Variants in HYDIN observed in about 807,000 individuals in gnomAD.
HYDIN encodes HYDIN axonemal central pair apparatus protein.
In HYDIN, 132 loss-of-function variants were observed where a neutral mutation model predicts 403.9. The observed-to-expected ratio is 0.33, with a 90% CI of 0.28 to 0.38. The LOEUF (loss-of-function observed/expected upper bound fraction) is 0.38. Among genes scored for constraint, HYDIN ranks in the 10% least tolerant of loss-of-function variants. HYDIN has a pLI of 1.00. For missense variants in HYDIN, 2,827 were observed against 5,009.5 expected (o/e 0.56, Z 13.15); for synonymous variants, 1,202 against 1,891.7 (o/e 0.64, Z 9.46).
At chr16:71,186,359 TATAA>T (rs763310770) in intron 2 of HYDIN, among the ~76,000 whole-genome samples, 3 of 152,170 alleles carry the variant, frequency 2.0e-5, no homozygotes, top group East Asian at 1.9e-4. Context: ...CTCTGTGTTC[TATAA>T]ATATACAAAC....
At chr16:71,085,726 C>T (rs2082912865) in intron 12 of HYDIN, among the ~76,000 whole-genome samples, 2 of 152,102 alleles carry the variant, frequency 1.3e-5, no homozygotes, top group Non-Finnish European at 2.9e-5. Context: ...TCTTGAATAA[C>T]AATTTTTATT....
chr16:71,032,576 C>T (rs1457498104), intron 18 of HYDIN, among the ~76,000 whole-genome samples: 1 of 133,214 alleles, frequency 7.5e-6, no homozygotes, highest in Non-Finnish European at 1.6e-5. Flanking sequence ...GCTGTGCAAA[C>T]ATTGTAGAGC....
chr16:70,936,893 G>A (rs185884269), intron 44 of HYDIN, among the ~76,000 whole-genome samples: 10 of 151,660 alleles, frequency 6.6e-5, no homozygotes, highest in Non-Finnish European at 1.2e-4. Context: ...TGCTCAGTCC[G>A]AAAGCCGTGT....
chr16:71,063,917 C>G (rs1399787152), intron 16 of HYDIN, among the ~76,000 whole-genome samples: 1 of 148,950 alleles, frequency 6.7e-6, no homozygotes, highest in African/African-American at 2.5e-5. Flanking sequence ...CAGCAGCTAT[C>G]ACCTTCCTTT....
intron 10 of HYDIN, among the ~76,000 whole-genome samples, chr16:71,102,387 T>G (rs1380377055): frequency 6.6e-6 from 1 of 152,118 alleles, no homozygotes; most frequent in Non-Finnish European, 1.5e-5. Flanking sequence ...AAATGTTAAC[T>G]AATACATTTT....
At chr16:70,862,824 A>T (rs1476445247) in intron 68 of HYDIN, among the ~76,000 whole-genome samples, 8 of 151,608 alleles carry the variant, frequency 5.3e-5, no homozygotes. Context: ...CACAAGGTTA[A>T]GACCTAAGAG....
intron 6 of HYDIN, among the ~76,000 whole-genome samples, chr16:71,159,444 G>A (rs1028370208): frequency 1.7e-4 from 2 of 11,796 alleles, no homozygotes; most frequent in East Asian, 3.0e-3. Flanking sequence ...AAAAGTGAAA[G>A]AGGATAGAAC....
chr16:70,858,686 G>A (rs1162819252), intron 71 of HYDIN, among the ~76,000 whole-genome samples: 2 of 151,868 alleles, frequency 1.3e-5, no homozygotes, highest in Non-Finnish European at 2.9e-5. Context: ...CTCTGGAGGT[G>A]TGTCACCTCA....
rs149262406 is a variant in HYDIN, at chr16:71,037,152, G to T, written c.2530-5235C>A. 6.9e-3 allele frequency among the ~76,000 whole-genome samples: 1,035 copies of T among 150,990 alleles called. 7 individuals are homozygous for T. Among genetic ancestry groups the T allele is most frequent in the African/African-American group, 0.024 (990 of 41,086 alleles). ...CTCAGGTTTCTCATCCGTAGCTCAG[G>T]ATATTGACTGTACCTTCCATATAGA... is the stretch of plus-strand genomic sequence containing the variant. On this transcript the variant is annotated intron_variant, in intron 18 of 85. Transcript: ENST00000393567.
chr16:71,040,477 C>A (rs1279053341), intron 18 of HYDIN, among the ~76,000 whole-genome samples: 5 of 147,204 alleles, frequency 3.4e-5, no homozygotes, highest in Non-Finnish European at 6.0e-5. Flanking sequence ...CACATACCCC[C>A]CCTCCCCGCA....
intron 2 of HYDIN, among the ~76,000 whole-genome samples, chr16:71,185,471 AT>A (rs1234741585): frequency 1.3e-5 from 2 of 152,188 alleles, no homozygotes; most frequent in Non-Finnish European, 2.9e-5. Flanking sequence ...GAGAAATCTT[AT>A]AAAATTGCAA....
At chr16:70,961,496 G>C (rs1380554476) in intron 38 of HYDIN, among the ~76,000 whole-genome samples, 1 of 152,154 alleles carries the variant, frequency 6.6e-6, no homozygotes, top group Non-Finnish European at 1.5e-5. Flanking sequence ...CAGTTTCACT[G>C]AATCTAATTT....
rs1446088709 is a variant in HYDIN at position 71,175,358 on chromosome 16, C to A, written c.516+249G>T. Among the ~76,000 whole-genome samples the A allele has an allele frequency of 3.9e-5, 6 of 152,030 alleles. No individual in the cohort carries two copies. The East Asian group carries it at 1.2e-3, about 29-fold the overall frequency. On this transcript the variant is annotated intron_variant, in intron 5 of 85. Transcript: ENST00000393567. ...CTACCACTACCATCTATACCATCAC[C>A]ACCATCAATGACAACAATATCACCA... is the stretch of plus-strand genomic sequence containing the variant.
At chr16:71,006,716 G>A (rs2079898645) in intron 23 of HYDIN, among the ~76,000 whole-genome samples, 1 of 151,528 alleles carries the variant, frequency 6.6e-6, no homozygotes, top group African/African-American at 2.4e-5. Context: ...CCTCCACCCT[G>A]CACTCAGCCC....
intron 23 of HYDIN, among the ~76,000 whole-genome samples, chr16:71,011,776 T>C (rs929783034): frequency 6.6e-6 from 1 of 151,188 alleles, no homozygotes; most frequent in South Asian, 2.1e-4. Flanking sequence ...GATGAAGACA[T>C]AGATGGAAGC....
intron 1 of HYDIN, among the ~76,000 whole-genome samples, chr16:71,195,527 C>T (rs1051247436): frequency 6.6e-6 from 1 of 152,154 alleles, no homozygotes; most frequent in Non-Finnish European, 1.5e-5. Flanking sequence ...GTTTTCTAGG[C>T]ATTCACTGAG....
At chr16:71,223,362 A>G (rs2040884550) in intron 1 of HYDIN, among the ~76,000 whole-genome samples, 1 of 152,240 alleles carries the variant, frequency 6.6e-6, no homozygotes, top group African/African-American at 2.4e-5. Context: ...ACATGAAACC[A>G]TAAAAATCCT....
intron 2 of HYDIN, among the ~76,000 whole-genome samples, chr16:71,185,602 G>T (rs1019122552): frequency 1.3e-5 from 2 of 151,966 alleles, no homozygotes; most frequent in African/African-American, 4.8e-5. Flanking sequence ...CCCACAGCCA[G>T]TCACATTCAC....
intron 69 of HYDIN, 74 bp downstream of exon 69, chr16:70,861,974 G>T (rs993045829): frequency 3.4e-5 from 48 of 1,393,098 alleles, no homozygotes; most frequent in Middle Eastern, 2.5e-4. Context: ...GCAGTGGTTG[G>T]ACAGAAAAGG....
Sources: allele counts gnomAD v4.1 joint callset (sites outside exome capture counted in the v4.1 genomes callset), GRCh38; gene constraint gnomAD v4.1.1; transcripts MANE v1.5; gene names NCBI Gene and HGNC (gene_info 2026-07-23, HGNC 2026-07-21).